CAPZB: variants seen among roughly 807,000 people sequenced by gnomAD.
CAPZB encodes F-actin-capping protein subunit beta.
In CAPZB, 2 loss-of-function variants were observed where a neutral mutation model predicts 38.1. That is an observed-to-expected ratio of 0.05 (90% CI 0.02 to 0.17). The LOEUF is 0.17. Ranked by LOEUF, CAPZB falls within the 10% of genes least tolerant of loss-of-function variation. The pLI is 1.00. For missense variants in CAPZB, 161 were observed against 334.2 expected, an observed-to-expected ratio of 0.48 and a Z score of 4.04; for synonymous variants, 107 against 127.4, an observed-to-expected ratio of 0.84 and a Z score of 1.08.
chr1:19,374,521 G>A (rs3748753), intron 4 of CAPZB: 83,271 of 152,288 alleles, frequency 0.55, 23,039 homozygotes, highest in South Asian at 0.61. Context: ...CACCAGGGGC[G>A]CAGGCCAAGC....
At chr1:19,341,921 C>T (rs2093931417) in intron 8 of CAPZB, among the ~76,000 whole-genome samples, 2 of 152,200 alleles carry the variant, frequency 1.3e-5, no homozygotes, top group Non-Finnish European at 1.5e-5. Flanking sequence ...AGTGCGCAGC[C>T]CCTGGACCTG....
chr1:19,464,093 A>T (rs1426279029), intron 1 of CAPZB, among the ~76,000 whole-genome samples: 1 of 150,872 alleles, frequency 6.6e-6, no homozygotes, highest in Non-Finnish European at 1.5e-5. Context: ...AGGCTGAGGC[A>T]GGAGAATTGC....
At chr1:19,366,570 C>A (rs61766692) in intron 4 of CAPZB, among the ~76,000 whole-genome samples, 6,021 of 152,048 alleles carry the variant, frequency 0.04, 138 homozygotes, top group African/African-American at 0.053. Flanking sequence ...TGCTTGTAAT[C>A]CCAGTTACTC....
At chr1:19,355,642 T>C (rs214345) in intron 6 of CAPZB, among the ~76,000 whole-genome samples, 69,093 of 152,174 alleles carry the variant, frequency 0.45, 15,954 homozygotes, top group East Asian at 0.56. Context: ...CTGCTGGAAC[T>C]GAGAACGGAA....
chr1:19,360,566 C>T (rs1430398675), intron 4 of CAPZB, among the ~76,000 whole-genome samples: 4 of 152,176 alleles, frequency 2.6e-5, no homozygotes, highest in East Asian at 3.8e-4. Context: ...GGAGAAATCC[C>T]GATGGCCTGA....
intron 6 of CAPZB, among the ~76,000 whole-genome samples, chr1:19,346,749 G>A (rs2093963206): frequency 1.3e-5 from 2 of 151,830 alleles, no homozygotes; most frequent in Non-Finnish European, 2.9e-5. Flanking sequence ...GGCTTCCAGG[G>A]TCGGGCAAAA....
At chr1:19,421,272 G>A (rs999043841) in intron 1 of CAPZB, among the ~76,000 whole-genome samples, 2 of 152,230 alleles carry the variant, frequency 1.3e-5, no homozygotes, top group African/African-American at 4.8e-5. Context: ...ACCACAAGTA[G>A]GCCGTGGGGC....
chr1:19,339,612 A>G lies in CAPZB; in HGVS notation c.737T>C (p.Val246Ala). 1 of 1,612,990 alleles carries G rather than the reference A, an allele frequency of 6.2e-7. No individual in the cohort carries two copies. Among genetic ancestry groups the G allele is most frequent in the African/African-American group, 1.3e-5 (1 of 75,044 alleles). ...TTTTGATTTGTCTGCAAAAGTCTGC[A>G]CAGACCTGCAAGGGAGGAAAGGCGT... ...TKDIVNGLRS[V>A]QTFADKSKQE... Residue 246 changes from valine (V) to alanine (A), a missense_variant, in exon 9 of 9, where the codon GTG becomes GCG. Transcript: ENST00000264202.
intron 1 of CAPZB, among the ~76,000 whole-genome samples, chr1:19,427,873 A>G (rs2094428772): frequency 6.6e-6 from 1 of 152,230 alleles, no homozygotes; most frequent in Non-Finnish European, 1.5e-5. Flanking sequence ...ATCATAGCCA[A>G]GTCAATGTCA....
At chr1:19,416,883 AAAAAAG>A in intron 2 of CAPZB, among the ~76,000 whole-genome samples, 2 of 133,230 alleles carry the variant, frequency 1.5e-5, no homozygotes, top group East Asian at 2.4e-4. Flanking sequence ...AAAAAAAAAA[AAAAAAG>A]TATGCTCTGA....
intron 6 of CAPZB, among the ~76,000 whole-genome samples, chr1:19,353,878 G>A (rs985964084): frequency 6.6e-6 from 1 of 152,242 alleles, no homozygotes; most frequent in Non-Finnish European, 1.5e-5. Flanking sequence ...CGGCTCTGCA[G>A]GGTTGATCCT....
At chr1:19,471,865 C>CAAAAAAAAAAAAAAAAAAAAAAAA (rs59289947) in intron 1 of CAPZB, among the ~76,000 whole-genome samples, 1 of 134,420 alleles carries the variant, frequency 7.4e-6, no homozygotes, top group African/African-American at 3.0e-5. Context: ...GACTCCGTCT[C>CAAAAAAAAAAAAAAAAAAAAAAAA]AAAAAAAAAA....
At chr1:19,452,793 CTTTTTTTTT>C (rs34430556) in intron 1 of CAPZB, among the ~76,000 whole-genome samples, 1 of 118,432 alleles carries the variant, frequency 8.4e-6, no homozygotes, top group Admixed American at 9.4e-5. Flanking sequence ...TAATTTCTTT[CTTTTTTTTT>C]TTTTTTTTTG....
At chr1:19,469,914 T>C (rs1326233191) in intron 1 of CAPZB, among the ~76,000 whole-genome samples, 4 of 152,182 alleles carry the variant, frequency 2.6e-5, no homozygotes, top group Non-Finnish European at 4.4e-5. Context: ...CGGACTACTG[T>C]GCTTCACTCA....
chr1:19,446,692 T>C (rs1345379380), intron 1 of CAPZB, among the ~76,000 whole-genome samples: 3 of 152,156 alleles, frequency 2.0e-5, no homozygotes, highest in Non-Finnish European at 4.4e-5. Context: ...ACCCTTACAA[T>C]TGCACAGTGT....
intron 2 of CAPZB, among the ~76,000 whole-genome samples, chr1:19,393,315 A>C (rs2094247770): frequency 6.6e-6 from 1 of 152,108 alleles, no homozygotes; most frequent in Non-Finnish European, 1.5e-5. Context: ...GCTCCCAGAG[A>C]CTCAGGCAAG....
chr1:19,373,292 A>G (rs867355), intron 4 of CAPZB, among the ~76,000 whole-genome samples: 45,052 of 152,070 alleles, frequency 0.3, 6,988 homozygotes, highest in Middle Eastern at 0.37. Flanking sequence ...CCCAACTGCT[A>G]GCCCTTTCAA....
At chr1:19,364,505 C>A (rs1474541926) in intron 4 of CAPZB, among the ~76,000 whole-genome samples, 1 of 152,254 alleles carries the variant, frequency 6.6e-6, no homozygotes, top group Non-Finnish European at 1.5e-5. Flanking sequence ...ACAAGGACTT[C>A]ATGCCCTTTC....
chr1:19,458,549 T>C (rs1286658709), intron 1 of CAPZB, among the ~76,000 whole-genome samples: 1 of 152,124 alleles, frequency 6.6e-6, no homozygotes, highest in Non-Finnish European at 1.5e-5. Flanking sequence ...AGAGACGGGG[T>C]TTCGCCATGT....
Sources: gnomAD v4.1 joint callset for allele counts (sites outside exome capture counted in the v4.1 genomes callset) on GRCh38, gnomAD v4.1.1 for gene constraint, MANE v1.5 for transcripts, NCBI Gene and HGNC (gene_info 2026-07-23, HGNC 2026-07-21) for gene names.